DNAJB6: variants seen among roughly 807,000 people sequenced by gnomAD.
The protein encoded by DNAJB6 is dnaJ homolog subfamily B member 6.
A neutral mutation model predicts 42.7 loss-of-function variants in DNAJB6; 16 were observed. The ratio of observed to expected loss-of-function variants is 0.37; its 90% confidence interval spans 0.25 to 0.57. DNAJB6 has a LOEUF of 0.57. DNAJB6 is among the 20% of genes least tolerant of loss of function. The pLI is 0.74. For synonymous variants in DNAJB6, 170 were observed against 163.5 expected, an observed-to-expected ratio of 1.04 and a Z score of -0.30; for missense variants, 347 against 416.8, an observed-to-expected ratio of 0.83 and a Z score of 1.46.
At chr7:157,410,450 AC>A (rs1026732412) in intron 9 of DNAJB6, 2 of 256,228 alleles carry the variant, frequency 7.8e-6, no homozygotes, top group Non-Finnish European at 1.5e-5. Flanking sequence ...AGAACAAAAG[AC>A]CCCCTCAAGT....
chr7:157,369,502 T>C (rs1666546191), intron 5 of DNAJB6: 1 of 436,348 alleles, frequency 2.3e-6, no homozygotes, highest in African/African-American at 2.0e-5. Flanking sequence ...TCGTGATGTC[T>C]GAGACCGGGC....
At chr7:157,397,847 T>A (rs1023899814) in intron 8 of DNAJB6, among the ~76,000 whole-genome samples, 2 of 152,246 alleles carry the variant, frequency 1.3e-5, no homozygotes, top group African/African-American at 4.8e-5. Context: ...CAAGTCACTG[T>A]CCTGTTTAAA....
intron 5 of DNAJB6, among the ~76,000 whole-genome samples, chr7:157,372,607 C>T (rs1800271104): frequency 6.6e-6 from 1 of 152,210 alleles, no homozygotes; most frequent in African/African-American, 2.4e-5. Flanking sequence ...GGAGATAGAA[C>T]TGAAGAAGCA....
At position 157,384,873 on chromosome 7, in the gene DNAJB6, C is replaced by T; in HGVS notation, c.485C>T (p.Thr162Ile). The T allele has an allele frequency of 6.2e-7, 1 of 1,611,310 alleles. No individual in the cohort carries two copies. Among genetic ancestry groups the T allele is most frequent in the Non-Finnish European group, 8.5e-7 (1 of 1,179,240 alleles). Reference sequence around the variant, plus strand: ...CTTTTCTGTTTTCCTGTAGGATTTACTTCATTTGGGTCACTAGGTCACGGG... The same window carrying T: ...CTTTTCTGTTTTCCTGTAGGATTTATTTCATTTGGGTCACTAGGTCACGGG... ...SGFSSFDTGF[T>I]SFGSLGHGGL... is the part of the protein sequence containing the mutation. The change falls in exon 7 of 10, where the codon ACT (threonine) becomes ATT (isoleucine). Residue 162 changes from threonine (T) to isoleucine (I), a missense_variant. Around this residue, in one of 3 missense-constraint regions of DNAJB6, gnomAD observed 264 missense variants for 288.0 expected, o/e 0.92. Coordinates refer to ENST00000262177, the MANE Select transcript of DNAJB6 (RefSeq NM_058246.4).
At chr7:157,341,840 C>T (rs889104308) in intron 1 of DNAJB6, among the ~76,000 whole-genome samples, 2 of 152,180 alleles carry the variant, frequency 1.3e-5, no homozygotes, top group African/African-American at 4.8e-5. Flanking sequence ...AAATAAGTTT[C>T]AGCAGCACTG....
chr7:157,404,191 A>G (rs1795658914), intron 8 of DNAJB6, among the ~76,000 whole-genome samples: 3 of 149,796 alleles, frequency 2.0e-5, no homozygotes, highest in African/African-American at 7.4e-5. Flanking sequence ...CTGGTCTCAA[A>G]CTCTTGGGCC....
intron 8 of DNAJB6, among the ~76,000 whole-genome samples, chr7:157,408,972 A>C (rs1234946669): frequency 6.6e-6 from 1 of 152,150 alleles, no homozygotes; most frequent in East Asian, 1.9e-4. Context: ...GAGGAATCCC[A>C]CCACCTGCGG....
At chr7:157,393,305 A>G (rs1801434906) in intron 8 of DNAJB6, among the ~76,000 whole-genome samples, 1 of 152,138 alleles carries the variant, frequency 6.6e-6, no homozygotes, top group South Asian at 2.1e-4. Flanking sequence ...GAATTGGAAT[A>G]TCATATTTTT....
Position 157,366,569 on chromosome 7 carries a change from C to G in DNAJB6, c.235+8C>G. 6.2e-7 allele frequency: 1 copy of G among 1,613,180 alleles called. No homozygotes were observed. The highest frequency in any genetic ancestry group is 1.3e-5 in the African/African-American group (1 of 74,986). On this transcript the variant is annotated splice_region_variant and intron_variant, in intron 4 of 9. Coordinates refer to ENST00000262177, the MANE Select transcript of DNAJB6 (RefSeq NM_058246.4). ...TAAATGGTGGAGGAGGAGGTAAGTA[C>G]GTGAGTTTTTTCTTTGAAGACAAAA...
intron 8 of DNAJB6, among the ~76,000 whole-genome samples, chr7:157,402,325 AC>A (rs1286001784): frequency 2.6e-5 from 4 of 152,094 alleles, no homozygotes; most frequent in Non-Finnish European, 5.9e-5. Context: ...CCTGAGCTGC[AC>A]CCCTTCCACA....
intron 5 of DNAJB6, chr7:157,381,058 C>G (rs941670503): frequency 2.6e-5 from 4 of 151,990 alleles, no homozygotes; most frequent in Non-Finnish European, 4.4e-5. Flanking sequence ...ATTCAAACTC[C>G]TGAGCTCAAG....
chr7:157,415,794 C>T (rs913469104), intron 9 of DNAJB6, among the ~76,000 whole-genome samples: 1 of 152,208 alleles, frequency 6.6e-6, no homozygotes, highest in African/African-American at 2.4e-5. Flanking sequence ...GGTGGGAGTC[C>T]TCACTTCTCT....
chr7:157,354,790 CTTTGTGATTTAT>C (rs1210354993), intron 1 of DNAJB6, among the ~76,000 whole-genome samples: 1 of 152,082 alleles, frequency 6.6e-6, no homozygotes, highest in East Asian at 1.9e-4. Context: ...CTCGGCAGAA[CTTTGTGATTTAT>C]TTGTGTCTGT....
intron 5 of DNAJB6, among the ~76,000 whole-genome samples, chr7:157,377,908 C>T (rs944016295): frequency 6.6e-6 from 1 of 152,168 alleles, no homozygotes; most frequent in Non-Finnish European, 1.5e-5. Flanking sequence ...ATCCACTATC[C>T]CACAGACAAC....
intron 3 of DNAJB6, among the ~76,000 whole-genome samples, chr7:157,363,944 A>G (rs1474267210): frequency 1.3e-5 from 2 of 152,106 alleles, no homozygotes; most frequent in Non-Finnish European, 1.5e-5. Context: ...GGAAAGCCAC[A>G]CAGTGCCCCT....
intron 5 of DNAJB6, chr7:157,369,180 A>G (rs901985288): frequency 2.3e-6 from 1 of 426,644 alleles, no homozygotes; most frequent in South Asian, 1.7e-5. Flanking sequence ...TGCTGTAATC[A>G]CTGCTGCCAT....
At chr7:157,402,552 A>G (rs7778830) in intron 8 of DNAJB6, among the ~76,000 whole-genome samples, 85,543 of 152,070 alleles carry the variant, frequency 0.56, 25,876 homozygotes, top group African/African-American at 0.8. Flanking sequence ...TCAGAGACAA[A>G]CACCTCCCAG....
chr7:157,415,941 T>G lies in DNAJB6; in HGVS notation c.899-75T>G. On this transcript the variant is annotated intron_variant, in intron 9 of 9. Transcript: ENST00000262177. ...TTTTGTTCTTAACATGGGGAGATAT[T>G]TAGAAAACATGTTTGGCTCTTGCTG... The G allele has an allele frequency of 4.4e-6, 7 of 1,605,134 alleles. No individual in the cohort carries two copies. The South Asian group carries it at 6.6e-5, about 15-fold the overall frequency.
intron 8 of DNAJB6, among the ~76,000 whole-genome samples, chr7:157,386,889 A>G (rs1482645019): frequency 1.3e-5 from 2 of 152,112 alleles, no homozygotes; most frequent in East Asian, 3.9e-4. Flanking sequence ...ATCTCAAAAA[A>G]AAAAAAAAAT....
Sources: gnomAD v4.1 joint callset for allele counts (sites outside exome capture counted in the v4.1 genomes callset) on GRCh38, gnomAD v4.1.1 for gene constraint, gnomAD v4.1.1 regional missense constraint, MANE v1.5 for transcripts, NCBI Gene and HGNC (gene_info 2026-07-23, HGNC 2026-07-21) for gene names.